The following KDM4A variants were observed in gnomAD, a reference collection of about 807,000 sequenced individuals.
The protein encoded by KDM4A is lysine demethylase 4A.
A neutral mutation model predicts 127.1 loss-of-function variants in KDM4A; 23 were observed. The ratio of observed to expected loss-of-function variants is 0.18; its 90% CI spans 0.13 to 0.26. KDM4A has a LOEUF of 0.26. Among genes scored for constraint, KDM4A ranks in the 10% least tolerant of loss-of-function variants. The probability of loss-of-function intolerance (pLI) is 1.00; values close to 1 mark genes in which losing one functional copy is unlikely to be tolerated. For missense variants in KDM4A, 890 were observed against 1,329.1 expected (o/e 0.67, Z 5.14); for synonymous variants, 443 against 466.5 (o/e 0.95, Z 0.65).
chr1:43,666,905 G>A, intron 7 of KDM4A, 49 bp from the exon 8 acceptor site: 1 of 1,595,202 alleles, frequency 6.3e-7, no homozygotes, highest in South Asian at 1.1e-5. Context: ...TTCCAGTTCT[G>A]TGGACTTCTG....
At position 43,671,628 on chromosome 1, in the gene KDM4A, G is replaced by C; in HGVS notation, c.1487G>C (p.Gly496Ala). The change falls in exon 11 of 22, where the codon GGG (glycine) becomes GCG (alanine). Residue 496 changes from glycine to alanine, a missense_variant. Coordinates refer to ENST00000372396, the MANE Select transcript of KDM4A (RefSeq NM_014663.3). ...LDLSVNPASV[G>A]GRLVFSGSKK... is the part of the protein sequence containing the mutation. ...CTTTCTGTGAATCCTGCGTCTGTAG[G>C]GGGACGCCTTGTCTTCTCAGGCTCC... is the stretch of plus-strand genomic sequence containing the variant. 6.2e-7 allele frequency: 1 copy of C among 1,613,734 alleles called. No individual in the cohort carries two copies.
chr1:43,681,116 T>G (rs1233202040), intron 11 of KDM4A, among the ~76,000 whole-genome samples: 1 of 152,182 alleles, frequency 6.6e-6, no homozygotes, highest in African/African-American at 2.4e-5. Context: ...CTTAGTTTCT[T>G]ATTCTTTGTC....
At chr1:43,692,740 G>C (rs1163203877) in intron 16 of KDM4A, among the ~76,000 whole-genome samples, 2 of 152,210 alleles carry the variant, frequency 1.3e-5, no homozygotes, top group East Asian at 1.9e-4. Context: ...AATGAGGCGA[G>C]TGTGCTCAAG....
At chr1:43,692,433 G>A (rs1425891889) in intron 16 of KDM4A, 122 bp downstream of exon 16, 22 of 835,892 alleles carry the variant, frequency 2.6e-5, no homozygotes, top group Non-Finnish European at 4.0e-5. Context: ...ACATCGTGTG[G>A]AGCAGGAATA....
At position 43,690,466 on chromosome 1, in the gene KDM4A, T is replaced by G. The variant is rs915751415; in HGVS notation, c.2038-379T>G. 5.2e-5 allele frequency: 17 copies of G among 324,870 alleles called. No homozygotes were observed. In the Admixed American group the frequency reaches 5.5e-4, roughly 10 times the overall value. 20.1% of individuals were successfully genotyped at this position (324,870 alleles called of 1,614,324 possible). Reference sequence around the variant, plus strand: ...TTTCACCATGTTGGCTAGGCTGGTCTTGGACTCCTGACCTCTGGTGATCCA... The same window carrying G: ...TTTCACCATGTTGGCTAGGCTGGTCGTGGACTCCTGACCTCTGGTGATCCA... On this transcript the variant is annotated intron_variant, in intron 13 of 21. Coordinates refer to ENST00000372396, the MANE Select transcript of KDM4A (RefSeq NM_014663.3).
chr1:43,684,284 C>T (rs1182282200), intron 12 of KDM4A, among the ~76,000 whole-genome samples: 1 of 152,146 alleles, frequency 6.6e-6, no homozygotes, highest in African/African-American at 2.4e-5. Context: ...GTGGGCGGAT[C>T]ATGAGGTCAG....
chr1:43,674,992 T>TG (rs1181740697), intron 11 of KDM4A, among the ~76,000 whole-genome samples: 2 of 152,226 alleles, frequency 1.3e-5, no homozygotes, highest in Non-Finnish European at 2.9e-5. Flanking sequence ...TCCTTCCGTG[T>TG]GGAAGTGTGC....
At position 43,671,586 on chromosome 1, in the gene KDM4A, C is replaced by A. The variant is rs586339; in HGVS notation, c.1445C>A (p.Ala482Glu). The A allele has an allele frequency of 0.73, 1,174,368 of 1,609,402 alleles. 433,004 individuals carry two copies. Among genetic ancestry groups the A allele is most frequent in the African/African-American group, 0.93 (69,175 of 74,764 alleles). ...GAGGAGGATGAGGAGGAAGAACAAG[C>A]AGCAGCTGCCTTGGATCTTTCTGTG... The part of the protein sequence containing the change: ...LEEEDEEEEQ[A>E]AAALDLSVNP... The change falls in exon 11 of 22, where the codon GCA becomes GAA. Residue 482 changes from alanine (A) to glutamate (E), a missense_variant. Physicochemically the swap from Ala to Glu is moderately radical, Grantham distance 107. Around this residue, in one of 7 missense-constraint regions of KDM4A, gnomAD observed 389 missense variants for 485.9 expected, o/e 0.80. Coordinates refer to ENST00000372396, the MANE Select transcript of KDM4A (RefSeq NM_014663.3).
chr1:43,662,016 C>T lies in KDM4A; in HGVS notation c.430-878C>T, dbSNP rs373920574. Among the ~76,000 whole-genome samples the T allele has an allele frequency of 8.5e-5, 13 of 152,154 alleles. No individual in the cohort carries two copies. In the East Asian group the frequency reaches 1.2e-3, roughly 14 times the overall value. Reference sequence around the variant, plus strand: ...TCAAGGGATCCTCCTGCTTCACCCTCCCAAGTAGCTGAGACTGCAGGCACA... The same window carrying T: ...TCAAGGGATCCTCCTGCTTCACCCTTCCAAGTAGCTGAGACTGCAGGCACA... On this transcript the variant is annotated intron_variant, in intron 4 of 21. Coordinates refer to ENST00000372396, the MANE Select transcript of KDM4A (RefSeq NM_014663.3).
Position 43,657,014 on chromosome 1 carries a change from C to A in KDM4A, c.314+1248C>A, listed in dbSNP as rs933496223. On this transcript the variant is annotated intron_variant, in intron 3 of 21. Transcript: ENST00000372396. Reference sequence around the variant, plus strand: ...ACTGCCCAGGCTCAAAATGATCCTCCTTGCTCAGCCTCCCAAGTAACTGGA... The same window carrying A: ...ACTGCCCAGGCTCAAAATGATCCTCATTGCTCAGCCTCCCAAGTAACTGGA... Among the ~76,000 whole-genome samples the A allele has an allele frequency of 2.0e-5, 3 of 152,084 alleles. No homozygotes were observed. The East Asian group carries it at 5.8e-4, about 29-fold the overall frequency.
At chr1:43,666,819 A>T in intron 7 of KDM4A, 135 bp from the exon 8 acceptor site, 1 of 840,598 alleles carries the variant, frequency 1.2e-6, no homozygotes, top group Non-Finnish European at 1.9e-6. Flanking sequence ...TTTGCATTTT[A>T]TAGAAGACAG....
In KDM4A at chr1:43,690,828, T is replaced by G. The variant is rs375815193; in HGVS notation, c.2038-17T>G. 3.1e-6 allele frequency: 5 copies of G among 1,613,140 alleles called. No homozygotes were observed. The highest frequency in any genetic ancestry group is 4.2e-6 in the Non-Finnish European group (5 of 1,179,076). On this transcript the variant is annotated splice_polypyrimidine_tract_variant and intron_variant, in intron 13 of 21. Transcript: ENST00000372396. The stretch of plus-strand genomic sequence containing the variant: ...GGCACGTGCTCACTGAGGTGTACAC[T>G]TGTTCTTTCCCCTTAGGTTGAATTT...
At chr1:43,690,785 T>C in intron 13 of KDM4A, 60 bp from the exon 14 acceptor site, 1 of 1,478,472 alleles carries the variant, frequency 6.8e-7, no homozygotes, top group Non-Finnish European at 9.5e-7. Context: ...ATAGAGCAGG[T>C]GGAAAGCTAA....
At chr1:43,658,979 T>A (rs1183110944) in intron 3 of KDM4A, among the ~76,000 whole-genome samples, 2 of 151,886 alleles carry the variant, frequency 1.3e-5, no homozygotes, top group African/African-American at 4.8e-5. Context: ...TTTAATTAAA[T>A]TTTCAGTATT....
intron 19 of KDM4A, among the ~76,000 whole-genome samples, chr1:43,703,036 G>T (rs1273392132): frequency 1.3e-5 from 2 of 151,586 alleles, no homozygotes; most frequent in African/African-American, 4.8e-5. Context: ...TCCGCCTCCT[G>T]GGTTCACACC....
chr1:43,693,908 G>A lies in KDM4A; in HGVS notation c.2376-86G>A. ...GAAGTCAGTGGTCACCCAGGTGAGG[G>A]AGGAAGCGCTGTCAGCAGGCCCAAA... On this transcript the variant is annotated intron_variant, in intron 16 of 21. Coordinates refer to ENST00000372396, the MANE Select transcript of KDM4A (RefSeq NM_014663.3). The surrounding 1 kb of genome is among the most constrained non-coding windows in gnomAD (Gnocchi z 4.2). The A allele has an allele frequency of 9.6e-7, 1 of 1,047,102 alleles. No homozygotes were observed. The highest frequency in any genetic ancestry group is 1.5e-6 in the Non-Finnish European group (1 of 684,632). The allele number at this position is 1,047,102 out of a possible 1,614,324, so 64.9% of individuals were successfully genotyped here. A position where few individuals can be genotyped will look rare whatever the true frequency, so the allele number is the denominator to read the frequency against.
chr1:43,665,752 T>C lies in KDM4A; in HGVS notation c.673+7T>C, dbSNP rs769217786. 10 of 1,613,908 alleles carry C rather than the reference T, an allele frequency of 6.2e-6. No homozygotes were observed. The highest frequency in any genetic ancestry group is 4.5e-5 in the East Asian group (2 of 44,886). ...TTGGAACGCCTCGCCAAAGGTACTG[T>C]GTCTCTTCTGTTTGCTGGATTGGAC... On this transcript the variant is annotated splice_region_variant and intron_variant, in intron 6 of 21. Transcript: ENST00000372396.
rs1489277401 is a variant in KDM4A at position 43,655,811 on chromosome 1, G to A, written c.314+45G>A. The A allele has an allele frequency of 3.3e-6, 5 of 1,515,636 alleles. No individual in the cohort carries two copies. The African/African-American group carries it at 5.5e-5, about 17-fold the overall frequency. The allele number at this position is 1,515,636 out of a possible 1,614,324, so 93.9% of individuals were successfully genotyped here. The stretch of plus-strand genomic sequence containing the variant: ...TACCTGACATAGCACCTAGGACCCT[G>A]GTGTCTCATCCTCCTAGCATCTCCA... On this transcript the variant is annotated intron_variant, in intron 3 of 21. Coordinates refer to ENST00000372396, the MANE Select transcript of KDM4A (RefSeq NM_014663.3).
intron 7 of KDM4A, 96 bp from the exon 8 acceptor site, chr1:43,666,858 C>T: frequency 7.8e-7 from 1 of 1,280,594 alleles, no homozygotes; most frequent in Non-Finnish European, 1.1e-6. Context: ...TATGACTTAC[C>T]CTTTGTTACT....
Sources: allele counts gnomAD v4.1 joint callset (sites outside exome capture counted in the v4.1 genomes callset), GRCh38; gene constraint gnomAD v4.1.1; regional missense constraint gnomAD v4.1.1; non-coding constraint Gnocchi (gnomAD v3.1); transcripts MANE v1.5; gene names NCBI Gene and HGNC (gene_info 2026-07-23, HGNC 2026-07-21).